Variants in TMEM132D observed in about 807,000 individuals in gnomAD.
The protein encoded by TMEM132D is mature OL transmembrane protein.
A neutral mutation model predicts 62.3 loss-of-function variants in TMEM132D; 21 were observed. The ratio of observed to expected loss-of-function variants is 0.34; its 90% CI spans 0.24 to 0.49. The LOEUF (loss-of-function observed/expected upper bound fraction) is 0.49. Among genes scored for constraint, TMEM132D ranks in the 20% least tolerant of loss-of-function variants. The pLI, the probability that TMEM132D is intolerant of heterozygous loss-of-function variation, is 0.99. For synonymous variants in TMEM132D, 621 were observed against 575.6 expected (o/e 1.08, Z -1.13); for missense variants, 1,346 against 1,402.8 (o/e 0.96, Z 0.65).
chr12:129,481,541 A>G (rs1298220270), intron 3 of TMEM132D, among the ~76,000 whole-genome samples: 1 of 140,768 alleles, frequency 7.1e-6, no homozygotes, highest in East Asian at 2.1e-4. Flanking sequence ...AATTTACAGA[A>G]GAGGAAATGC....
intron 3 of TMEM132D, among the ~76,000 whole-genome samples, chr12:129,463,819 G>T (rs1452119768): frequency 3.7e-4 from 55 of 149,516 alleles, no homozygotes; most frequent in South Asian, 1.5e-3. Context: ...ATTTTTTATG[G>T]CTGCATAGTA....
intron 5 of TMEM132D, among the ~76,000 whole-genome samples, chr12:129,185,761 A>ATCTGTCTGTCTGTCTGTCTGTCTGTCTG (rs11271238): frequency 1.4e-5 from 2 of 140,800 alleles, no homozygotes; most frequent in African/African-American, 5.3e-5. Context: ...TTTATCCATC[A>ATCTGTCTGTCTGTCTGTCTGTCTGTCTG]TCTGTCTGTC....
chr12:129,349,261 A>G (rs1394442524), intron 3 of TMEM132D, among the ~76,000 whole-genome samples: 1 of 152,206 alleles, frequency 6.6e-6, no homozygotes. Flanking sequence ...CTTTGAATCC[A>G]GCTACCTATT....
In TMEM132D at chr12:129,074,141, T is replaced by A. The variant is rs2135601969; in HGVS notation, c.3034A>T (p.Ile1012Phe). The A allele has an allele frequency of 6.2e-7, 1 of 1,614,162 alleles. No homozygotes were observed. The highest frequency in any genetic ancestry group is 8.5e-7 in the Non-Finnish European group (1 of 1,180,028). ...AAAGGTTTGAACAGCTGCCCATTGA[T>A]GCTTTTTTGGGAGTTTGTGCTGAGG... ...YLLSTNSQKSINGQLFKPLGP... is the reference protein window; with the variant it reads ...YLLSTNSQKSFNGQLFKPLGP... The change falls in exon 9 of 9, where the codon ATC becomes TTC. Residue 1012 changes from isoleucine to phenylalanine, a missense_variant. Physicochemically the swap from Ile to Phe is conservative, Grantham distance 21. Transcript: ENST00000422113.
chr12:129,077,098 G>A (rs1874286209), intron 8 of TMEM132D, among the ~76,000 whole-genome samples: 1 of 152,226 alleles, frequency 6.6e-6, no homozygotes, highest in African/African-American at 2.4e-5. Flanking sequence ...GCTCATGCCT[G>A]AGAGGGGAGC....
intron 5 of TMEM132D, among the ~76,000 whole-genome samples, chr12:129,157,330 T>C (rs1328126678): frequency 6.6e-6 from 1 of 152,248 alleles, no homozygotes; most frequent in Non-Finnish European, 1.5e-5. Flanking sequence ...CTCCGACTCA[T>C]AAACTCTGGG....
intron 3 of TMEM132D, among the ~76,000 whole-genome samples, chr12:129,474,376 T>A (rs886982348): frequency 1.3e-5 from 2 of 152,214 alleles, no homozygotes; most frequent in African/African-American, 4.8e-5. Flanking sequence ...ATTAACTGGG[T>A]GAAGTCATTG....
chr12:129,218,014 C>T (rs758461576), intron 4 of TMEM132D, among the ~76,000 whole-genome samples: 4 of 152,142 alleles, frequency 2.6e-5, no homozygotes, highest in Non-Finnish European at 4.4e-5. Context: ...CCAGCAGCCT[C>T]TCTCCCTGGG....
intron 2 of TMEM132D, among the ~76,000 whole-genome samples, chr12:129,687,600 A>G (rs1370520415): frequency 6.6e-6 from 1 of 151,804 alleles, no homozygotes. Flanking sequence ...CCCAGAGGAC[A>G]TTTTTTTCCT....
rs1331874440 is a variant in TMEM132D, at chr12:129,166,706, CACACACATAT to C, written c.1443+42804_1443+42813del. The stretch of plus-strand genomic sequence containing the variant: ...ATACACATACACACACACACACACA[CACACACATAT>C]ACACACACACACATATATATATATA... On this transcript the variant is annotated intron_variant, in intron 5 of 8. Transcript: ENST00000422113. Among the ~76,000 whole-genome samples the C allele has an allele frequency of 4.7e-3, 671 of 141,860 alleles. 10 individuals are homozygous for C. Among genetic ancestry groups the C allele is most frequent in the African/African-American group, 0.015 (581 of 38,824 alleles). 93.1% of individuals were successfully genotyped at this position (141,860 alleles called of 152,430 possible).
intron 4 of TMEM132D, among the ~76,000 whole-genome samples, chr12:129,279,733 C>A (rs950683789): frequency 2.0e-5 from 3 of 152,164 alleles, no homozygotes; most frequent in African/African-American, 7.2e-5. Context: ...TCCGTTCATT[C>A]TTCCCCCCAG....
chr12:129,518,515 A>G (rs1010844021), intron 3 of TMEM132D, among the ~76,000 whole-genome samples: 2 of 150,516 alleles, frequency 1.3e-5, no homozygotes, highest in African/African-American at 2.4e-5. Flanking sequence ...GTGTGTATAT[A>G]TATGTGTGTA....
At chr12:129,560,860 G>C (rs894764374) in intron 2 of TMEM132D, among the ~76,000 whole-genome samples, 1 of 152,104 alleles carries the variant, frequency 6.6e-6, no homozygotes, top group South Asian at 2.1e-4. Context: ...AGTTCTACTT[G>C]TGTCTCCCTG....
intron 3 of TMEM132D, among the ~76,000 whole-genome samples, chr12:129,501,690 G>T (rs1365550833): frequency 6.6e-6 from 1 of 151,852 alleles, no homozygotes; most frequent in African/African-American, 2.4e-5. Context: ...ATTTTTTGTA[G>T]AGATGGGGTT....
At chr12:129,497,893 T>C (rs1420761867) in intron 3 of TMEM132D, among the ~76,000 whole-genome samples, 1 of 151,700 alleles carries the variant, frequency 6.6e-6, no homozygotes, top group Non-Finnish European at 1.5e-5. Flanking sequence ...ACTCTTGGGC[T>C]CAAGTGATCC....
chr12:129,389,097 C>T (rs1361915208), intron 3 of TMEM132D, among the ~76,000 whole-genome samples: 1 of 129,270 alleles, frequency 7.7e-6, no homozygotes, highest in African/African-American at 2.8e-5. Flanking sequence ...ATGCTAACAC[C>T]GACACCAATC....
intron 5 of TMEM132D, among the ~76,000 whole-genome samples, chr12:129,156,342 C>T (rs1458438377): frequency 1.3e-5 from 2 of 152,030 alleles, no homozygotes; most frequent in African/African-American, 2.4e-5. Context: ...CCCATGATAA[C>T]CAACTCACTC....
rs535208147 is a variant in TMEM132D at position 129,423,739 on chromosome 12, A to G, written c.1116-85922T>C. Among the ~76,000 whole-genome samples, 6 of 152,208 alleles carry G rather than the reference A, an allele frequency of 3.9e-5. No homozygotes were observed. In the South Asian group the frequency reaches 1.2e-3, roughly 32 times the overall value. ...GCCTTCCTCAACACGAACTTTCAAT[A>G]TTATTTATGGTAATACCCATTGACT... On this transcript the variant is annotated intron_variant, in intron 3 of 8. Transcript: ENST00000422113.
At chr12:129,317,334 T>G (rs183196217) in intron 4 of TMEM132D, among the ~76,000 whole-genome samples, 1 of 152,316 alleles carries the variant, frequency 6.6e-6, no homozygotes, top group East Asian at 1.9e-4. Flanking sequence ...TAGTGGTGGC[T>G]TGGTAATGGC....
Sources: allele counts gnomAD v4.1 joint callset (sites outside exome capture counted in the v4.1 genomes callset), GRCh38; gene constraint gnomAD v4.1.1; transcripts MANE v1.5; gene names NCBI Gene and HGNC (gene_info 2026-07-23, HGNC 2026-07-21).